The following KCNC2 variants were observed in gnomAD, a reference collection of about 807,000 sequenced individuals.
KCNC2 encodes the protein voltage-gated potassium channel KCNC2.
KCNC2 carries 21 observed loss-of-function variants against 44.5 expected under a neutral mutation model. That is an observed-to-expected ratio of 0.47 (90% CI 0.33 to 0.68). KCNC2 has a LOEUF of 0.68. Among genes scored for constraint, KCNC2 ranks in the 30% least tolerant of loss-of-function variants. KCNC2 has a pLI of 0.01. For missense variants in KCNC2, 589 were observed against 826.2 expected, an observed-to-expected ratio of 0.71 and a Z score of 3.52; for synonymous variants, 391 against 339.1, an observed-to-expected ratio of 1.15 and a Z score of -1.68.
At chr12:75,072,740 C>G (rs1489104409) in intron 2 of KCNC2, among the ~76,000 whole-genome samples, 1 of 152,148 alleles carries the variant, frequency 6.6e-6, no homozygotes, top group Non-Finnish European at 1.5e-5. Flanking sequence ...TCTTAACTTG[C>G]ATTTTTCTTT....
intron 2 of KCNC2, among the ~76,000 whole-genome samples, chr12:75,056,817 C>G (rs923743474): frequency 6.6e-6 from 1 of 151,976 alleles, no homozygotes; most frequent in Non-Finnish European, 1.5e-5. Flanking sequence ...CATGTACTTA[C>G]ATGGAATGGT....
At chr12:75,142,793 A>G (rs11831573) in intron 2 of KCNC2, among the ~76,000 whole-genome samples, 45 of 152,314 alleles carry the variant, frequency 3.0e-4, no homozygotes, top group African/African-American at 1.1e-3. Context: ...GACAATATAC[A>G]TTAAAGCTAG....
At chr12:75,170,277 G>A (rs2125417) in intron 2 of KCNC2, among the ~76,000 whole-genome samples, 26,632 of 151,608 alleles carry the variant, frequency 0.18, 2,502 homozygotes, top group African/African-American at 0.2. Context: ...AAGGGAGTAA[G>A]TGATTTGCTC....
At chr12:75,075,818 G>C (rs976205060) in intron 2 of KCNC2, among the ~76,000 whole-genome samples, 5 of 151,970 alleles carry the variant, frequency 3.3e-5, no homozygotes, top group African/African-American at 1.2e-4. Flanking sequence ...TCAAGATATT[G>C]TTTTACAATG....
intron 2 of KCNC2, among the ~76,000 whole-genome samples, chr12:75,130,466 C>T (rs1438406954): frequency 2.0e-5 from 3 of 151,930 alleles, no homozygotes; most frequent in East Asian, 1.9e-4. Flanking sequence ...ATAAAATAAA[C>T]AAATGAATGA....
intron 2 of KCNC2, among the ~76,000 whole-genome samples, chr12:75,190,893 A>T (rs1325969658): frequency 1.3e-5 from 2 of 152,020 alleles, no homozygotes; most frequent in Non-Finnish European, 2.9e-5. Flanking sequence ...GACTATTAAT[A>T]ACTATTATAA....
chr12:75,194,225 G>T (rs189738089), intron 2 of KCNC2, among the ~76,000 whole-genome samples: 4 of 152,140 alleles, frequency 2.6e-5, no homozygotes, highest in Non-Finnish European at 1.5e-5. Context: ...TGCTGGGCTA[G>T]AGTGGGCCAT....
intron 2 of KCNC2, chr12:75,124,912 G>A (rs1888299392): frequency 6.6e-6 from 1 of 152,202 alleles, no homozygotes; most frequent in Admixed American, 6.5e-5. Flanking sequence ...AGACCATCTT[G>A]GCTAACACGG....
At chr12:75,138,979 TAAAAAAAAAAAAA>T (rs373729570) in intron 2 of KCNC2, among the ~76,000 whole-genome samples, 25,904 of 78,000 alleles carry the variant, frequency 0.33, 3,343 homozygotes, top group Admixed American at 0.46. Context: ...AGACTCCGTG[TAAAAAAAAAAAAA>T]AAAAAAAAAA....
intron 2 of KCNC2, among the ~76,000 whole-genome samples, chr12:75,162,674 G>T (rs566462943): frequency 6.6e-6 from 1 of 151,772 alleles, no homozygotes; most frequent in South Asian, 2.1e-4. Context: ...GCCCTGTGAA[G>T]AATTAGATTT....
chr12:75,064,940 C>T (rs755645536), intron 2 of KCNC2, among the ~76,000 whole-genome samples: 1 of 151,948 alleles, frequency 6.6e-6, no homozygotes, highest in Non-Finnish European at 1.5e-5. Flanking sequence ...CATTCTACTA[C>T]ATATGTGTGT....
chr12:75,083,843 A>G (rs1409528274), intron 2 of KCNC2, among the ~76,000 whole-genome samples: 1 of 151,970 alleles, frequency 6.6e-6, no homozygotes, highest in African/African-American at 2.4e-5. Context: ...TTTATAAAGA[A>G]ATGTACTATA....
At chr12:75,114,410 T>C (rs1364761738) in intron 2 of KCNC2, among the ~76,000 whole-genome samples, 1 of 152,200 alleles carries the variant, frequency 6.6e-6, no homozygotes, top group Non-Finnish European at 1.5e-5. Context: ...TTGACAAATA[T>C]ATATGTAACA....
At chr12:75,161,638 G>A (rs1253677087) in intron 2 of KCNC2, among the ~76,000 whole-genome samples, 1 of 151,742 alleles carries the variant, frequency 6.6e-6, no homozygotes, top group South Asian at 2.1e-4. Flanking sequence ...TTCTGGCCCA[G>A]TAAGTTTTAC....
At chr12:75,191,320 A>G (rs2030186439) in intron 2 of KCNC2, among the ~76,000 whole-genome samples, 1 of 151,696 alleles carries the variant, frequency 6.6e-6, no homozygotes, top group Admixed American at 6.6e-5. Flanking sequence ...TAAATTTTTA[A>G]TAGTCTTTGG....
intron 2 of KCNC2, among the ~76,000 whole-genome samples, chr12:75,054,634 C>T (rs1881544206): frequency 6.6e-6 from 1 of 151,902 alleles, no homozygotes; most frequent in Non-Finnish European, 1.5e-5. Context: ...CAGCAGAGGA[C>T]AAAAAGAGGA....
chr12:75,176,404 G>A (rs994993734), intron 2 of KCNC2, among the ~76,000 whole-genome samples: 7 of 151,830 alleles, frequency 4.6e-5, no homozygotes, highest in African/African-American at 1.7e-4. Context: ...CCTTTCCATG[G>A]CTTCCACCTA....
chr12:75,187,045 C>T (rs1893001213), intron 2 of KCNC2, among the ~76,000 whole-genome samples: 1 of 152,140 alleles, frequency 6.6e-6, no homozygotes, highest in Non-Finnish European at 1.5e-5. Context: ...ATGACCTCTT[C>T]CTTTTTTTAA....
chr12:75,043,562 G>T (rs1792973588), intron 4 of KCNC2: 1 of 1,210,642 alleles, frequency 8.3e-7, no homozygotes, highest in South Asian at 2.9e-5. Context: ...AGCAACTTAA[G>T]TAAGATATAA....
Sources: allele counts gnomAD v4.1 joint callset (sites outside exome capture counted in the v4.1 genomes callset), GRCh38; gene constraint gnomAD v4.1.1; transcripts MANE v1.5; gene names NCBI Gene and HGNC (gene_info 2026-07-23, HGNC 2026-07-21).